Variants in PTPRD observed in about 807,000 individuals in gnomAD.
PTPRD encodes the protein protein tyrosine phosphatase receptor type D, also known as receptor-type tyrosine-protein phosphatase delta.
A neutral mutation model predicts 214.5 loss-of-function variants in PTPRD; 34 were observed. The observed-to-expected ratio is 0.16, with a 90% CI of 0.12 to 0.21. The LOEUF is 0.21. PTPRD is among the 10% of genes least tolerant of loss of function. PTPRD has a pLI of 1.00. For missense variants in PTPRD, 2,545 were observed against 2,398.7 expected (o/e 1.06, Z -1.27); for synonymous variants, 1,128 against 845.7 (o/e 1.33, Z -5.79).
chr9:10,569,068 A>G (rs1215687541), intron 2 of PTPRD, among the ~76,000 whole-genome samples: 3 of 152,106 alleles, frequency 2.0e-5, no homozygotes, highest in African/African-American at 7.2e-5. Context: ...ACTCAAACAA[A>G]TTTACAAGAA....
At chr9:8,701,212 A>T (rs900935336) in intron 12 of PTPRD, among the ~76,000 whole-genome samples, 1 of 152,198 alleles carries the variant, frequency 6.6e-6, no homozygotes, top group African/African-American at 2.4e-5. Flanking sequence ...AGGGGGAAAA[A>T]AAATAAGAAT....
At chr9:8,717,815 G>C (rs2098452909) in intron 12 of PTPRD, among the ~76,000 whole-genome samples, 1 of 152,136 alleles carries the variant, frequency 6.6e-6, no homozygotes, top group African/African-American at 2.4e-5. Context: ...TTGCCTTAAT[G>C]CCCTCCACAA....
intron 16 of PTPRD, 120 bp downstream of exon 16, chr9:8,527,225 A>T: frequency 9.6e-7 from 1 of 1,039,336 alleles, no homozygotes. Context: ...CACTACAGAG[A>T]TCTGGTGTCT....
chr9:10,006,067 T>G (rs984934946), intron 4 of PTPRD, among the ~76,000 whole-genome samples: 10 of 152,102 alleles, frequency 6.6e-5, no homozygotes, highest in African/African-American at 2.4e-4. Context: ...ATACAAAAAA[T>G]GAGATGAGAA....
At chr9:10,268,793 C>T (rs1269725402) in intron 3 of PTPRD, among the ~76,000 whole-genome samples, 2 of 152,180 alleles carry the variant, frequency 1.3e-5, no homozygotes, top group Non-Finnish European at 2.9e-5. Context: ...ACCTTTTCAA[C>T]GCTAAGTGAT....
intron 7 of PTPRD, among the ~76,000 whole-genome samples, chr9:9,610,206 G>A (rs1467430734): frequency 6.6e-6 from 1 of 152,148 alleles, no homozygotes; most frequent in African/African-American, 2.4e-5. Flanking sequence ...GAGCCACGAT[G>A]AAAATGAGGA....
At chr9:9,188,043 T>C (rs959959643) in intron 9 of PTPRD, among the ~76,000 whole-genome samples, 1 of 152,036 alleles carries the variant, frequency 6.6e-6, no homozygotes, top group Non-Finnish European at 1.5e-5. Flanking sequence ...TAATACATAC[T>C]TCATGCTTAC....
chr9:8,813,814 TCACAGAAAG>T (rs1396276385), intron 11 of PTPRD, among the ~76,000 whole-genome samples: 1 of 152,214 alleles, frequency 6.6e-6, no homozygotes, highest in Non-Finnish European at 1.5e-5. Context: ...CTGTCTAATA[TCACAGAAAG>T]AATTGGCTTA....
intron 9 of PTPRD, among the ~76,000 whole-genome samples, chr9:9,275,093 TA>T (rs1944639939): frequency 7.2e-5 from 4 of 55,698 alleles, no homozygotes; most frequent in Non-Finnish European, 1.4e-4. Context: ...ATATATATGT[TA>T]TATATATAAT....
chr9:8,657,214 C>T (rs934230794), intron 12 of PTPRD, among the ~76,000 whole-genome samples: 22 of 143,450 alleles, frequency 1.5e-4, no homozygotes, highest in African/African-American at 5.5e-4. Context: ...GCTGCCCAGG[C>T]TGGAGTGCAA....
chr9:8,681,127 C>A (rs1413324687), intron 12 of PTPRD, among the ~76,000 whole-genome samples: 2 of 152,312 alleles, frequency 1.3e-5, no homozygotes, highest in East Asian at 1.9e-4. Flanking sequence ...AAGGTTACGT[C>A]ATTCCCAATC....
At chr9:9,770,377 G>T (rs764399574) in intron 5 of PTPRD, among the ~76,000 whole-genome samples, 1 of 152,014 alleles carries the variant, frequency 6.6e-6, no homozygotes, top group East Asian at 1.9e-4. Flanking sequence ...AGAAAAATAC[G>T]GTGGTTTAAT....
chr9:9,757,433 G>GA (rs1418993525), intron 6 of PTPRD, among the ~76,000 whole-genome samples: 2 of 151,998 alleles, frequency 1.3e-5, no homozygotes, highest in African/African-American at 2.4e-5. Context: ...TTATGAATTT[G>GA]AAAAAACAAA....
chr9:8,672,092 G>A (rs898089715), intron 12 of PTPRD, among the ~76,000 whole-genome samples: 2 of 152,124 alleles, frequency 1.3e-5, no homozygotes, highest in Non-Finnish European at 1.5e-5. Context: ...ATCTATTTGT[G>A]TTGTACCATC....
chr9:9,049,083 A>G lies in PTPRD; in HGVS notation c.-142-30348T>C, dbSNP rs12685940. Among the ~76,000 whole-genome samples the G allele has an allele frequency of 1.6e-4, 25 of 152,340 alleles. No individual in the cohort carries two copies. In the East Asian group the frequency reaches 4.8e-3, roughly 29 times the overall value. Reference sequence around the variant, plus strand: ...ATATACCAAGCATCCAATGATCTGGAAAGCAACACTAGTCATTATCACTGT... The same window carrying G: ...ATATACCAAGCATCCAATGATCTGGGAAGCAACACTAGTCATTATCACTGT... On this transcript the variant is annotated intron_variant, in intron 10 of 45. Coordinates refer to ENST00000381196, the MANE Select transcript of PTPRD (RefSeq NM_002839.4).
intron 7 of PTPRD, among the ~76,000 whole-genome samples, chr9:9,655,846 G>A (rs933493558): frequency 1.3e-5 from 2 of 151,720 alleles, no homozygotes; most frequent in Admixed American, 6.6e-5. Context: ...GGCGTGGTGG[G>A]AGGTGCCTGT....
chr9:9,019,305 A>AAAGG (rs1554629169), intron 10 of PTPRD, among the ~76,000 whole-genome samples: 28 of 93,338 alleles, frequency 3.0e-4, no homozygotes, highest in African/African-American at 8.2e-4. Context: ...AGAAAGAAAG[A>AAAGG]AAGAAAGAAA....
At chr9:8,659,003 C>T (rs944917905) in intron 12 of PTPRD, among the ~76,000 whole-genome samples, 1 of 152,052 alleles carries the variant, frequency 6.6e-6, no homozygotes, top group African/African-American at 2.4e-5. Flanking sequence ...GCCGCAGGCC[C>T]TTTGCTTCCT....
At chr9:9,745,060 A>C (rs2098443633) in intron 6 of PTPRD, among the ~76,000 whole-genome samples, 1 of 152,108 alleles carries the variant, frequency 6.6e-6, no homozygotes, top group Non-Finnish European at 1.5e-5. Flanking sequence ...GTCTTCAAAA[A>C]AGTGGACTGA....
Sources: gnomAD v4.1 joint callset for allele counts (sites outside exome capture counted in the v4.1 genomes callset) on GRCh38, gnomAD v4.1.1 for gene constraint, MANE v1.5 for transcripts, NCBI Gene and HGNC (gene_info 2026-07-23, HGNC 2026-07-21) for gene names.